The following SLIT2 variants were observed in gnomAD, a reference collection of about 807,000 sequenced individuals.
SLIT2 encodes the protein slit homolog 2 protein.
In SLIT2, 41 loss-of-function variants were observed where a neutral mutation model predicts 185.7. That is an observed-to-expected ratio of 0.22 (90% CI 0.17 to 0.29). The LOEUF (loss-of-function observed/expected upper bound fraction) is 0.29, where lower values mean the gene tolerates loss of function less well. Ranked by LOEUF, SLIT2 falls within the 10% of genes least tolerant of loss-of-function variation. The pLI, the probability that SLIT2 is intolerant of heterozygous loss-of-function variation, is 1.00. For synonymous variants in SLIT2, 693 were observed against 680.2 expected (o/e 1.02, Z -0.29); for missense variants, 1,571 against 1,909.0 (o/e 0.82, Z 3.30).
At chr4:20,564,169 A>T (rs1360157869) in intron 26 of SLIT2, among the ~76,000 whole-genome samples, 7 of 151,808 alleles carry the variant, frequency 4.6e-5, no homozygotes, top group Non-Finnish European at 8.8e-5. Context: ...TCCTTGATTA[A>T]GAAGATTTCA....
At chr4:20,379,139 C>T (rs1463345916) in intron 4 of SLIT2, among the ~76,000 whole-genome samples, 1 of 151,972 alleles carries the variant, frequency 6.6e-6, no homozygotes, top group Non-Finnish European at 1.5e-5. Flanking sequence ...AAAAGTGATT[C>T]CTAATGTAAA....
At chr4:20,324,486 A>G (rs1304329273) in intron 4 of SLIT2, among the ~76,000 whole-genome samples, 2 of 152,190 alleles carry the variant, frequency 1.3e-5, no homozygotes, top group African/African-American at 4.8e-5. Flanking sequence ...ATGTAACCAA[A>G]GGGCAGAAAC....
chr4:20,598,528 G>GA lies in SLIT2; in HGVS notation c.3692+138dup. Reference sequence around the variant, plus strand: ...CAGGTTTTAGGATGAGGGTATTAGTGAAAAACCTGGCAGGAACAGAGGGCA... The same window carrying GA: ...CAGGTTTTAGGATGAGGGTATTAGTGAAAAAACCTGGCAGGAACAGAGGGCA... On this transcript the variant is annotated intron_variant, in intron 33 of 36. Coordinates refer to ENST00000504154, the MANE Select transcript of SLIT2 (RefSeq NM_004787.4). 3 of 948,128 alleles carry GA rather than the reference G, an allele frequency of 3.2e-6. No individual in the cohort carries two copies. In the East Asian group the frequency reaches 7.3e-5, roughly 23 times the overall value. The allele number at this position is 948,128 out of a possible 1,614,324, so 58.7% of individuals were successfully genotyped here.
At chr4:20,613,009 G>A (rs1378472552) in intron 34 of SLIT2, among the ~76,000 whole-genome samples, 1 of 151,824 alleles carries the variant, frequency 6.6e-6, no homozygotes, top group African/African-American at 2.4e-5. Context: ...AATAACAGCT[G>A]CTGGCAAGGT....
At position 20,252,564 on chromosome 4, in the gene SLIT2, C is replaced by A. The variant is rs184281428; in HGVS notation, c.-1252C>A. On this transcript the variant is annotated 5_prime_UTR_variant, in exon 1 of 37. Transcript: ENST00000504154. ...GTTGCTGCACTTTGAGAAGGACGAA[C>A]CACTAGTGGGAGACCGCCGGGGGCC... is the stretch of plus-strand genomic sequence containing the variant. Among the ~76,000 whole-genome samples, 481 of 152,036 alleles carry A rather than the reference C, an allele frequency of 3.2e-3. 3 individuals are homozygous for A. The highest frequency in any genetic ancestry group is 0.011 in the African/African-American group (458 of 41,484).
At position 20,252,056 on chromosome 4, in the gene SLIT2, C is replaced by G. The variant is rs923196985; in HGVS notation, c.-1760C>G. On this transcript the variant is annotated 5_prime_UTR_variant, in exon 1 of 37. Transcript: ENST00000504154. ...GCTGCGAGGCATGGGAGCGCCGAAG[C>G]GCCCAGGCGCAGGCCGAAGCTGCCG... is the stretch of plus-strand genomic sequence containing the variant. Among the ~76,000 whole-genome samples, 2 of 152,114 alleles carry G rather than the reference C, an allele frequency of 1.3e-5. No individual in the cohort carries two copies. The highest frequency in any genetic ancestry group is 4.8e-5 in the African/African-American group (2 of 41,450).
intron 9 of SLIT2, among the ~76,000 whole-genome samples, chr4:20,504,879 A>G (rs2148817812): frequency 6.6e-6 from 1 of 152,158 alleles, no homozygotes; most frequent in South Asian, 2.1e-4. Flanking sequence ...TTATTATAGT[A>G]TATTGTAATA....
intron 6 of SLIT2, among the ~76,000 whole-genome samples, chr4:20,482,602 C>A (rs1451488730): frequency 6.6e-6 from 1 of 151,760 alleles, no homozygotes; most frequent in Non-Finnish European, 1.5e-5. Context: ...GGCAACACAC[C>A]AAAGGGTGAC....
intron 4 of SLIT2, among the ~76,000 whole-genome samples, chr4:20,382,719 T>C (rs1213127382): frequency 6.6e-6 from 1 of 152,182 alleles, no homozygotes; most frequent in African/African-American, 2.4e-5. Flanking sequence ...GTATCAGTTC[T>C]GTACCAAGTG....
intron 9 of SLIT2, among the ~76,000 whole-genome samples, chr4:20,496,508 T>C (rs1369054553): frequency 6.6e-6 from 1 of 152,214 alleles, no homozygotes; most frequent in Admixed American, 6.5e-5. Flanking sequence ...AGATAAAGGC[T>C]GGTGGTTTTC....
At chr4:20,507,492 T>C (rs191188490) in intron 9 of SLIT2, among the ~76,000 whole-genome samples, 1 of 152,084 alleles carries the variant, frequency 6.6e-6, no homozygotes, top group East Asian at 1.9e-4. Flanking sequence ...ATATAGCATT[T>C]AAAAATACTT....
chr4:20,542,311 A>G (rs561340205), intron 20 of SLIT2, among the ~76,000 whole-genome samples, 183 bp from the exon 21 acceptor site: 22 of 152,330 alleles, frequency 1.4e-4, no homozygotes, highest in Middle Eastern at 6.8e-3. Context: ...TTCCCTAGGC[A>G]GTCTGAAAAC....
chr4:20,420,913 G>A (rs1208474763), intron 4 of SLIT2, among the ~76,000 whole-genome samples: 3 of 152,138 alleles, frequency 2.0e-5, no homozygotes, highest in Non-Finnish European at 4.4e-5. Context: ...GCCCTTGCCA[G>A]AAACAGATCA....
At chr4:20,536,784 A>C (rs1289081059) in intron 18 of SLIT2, among the ~76,000 whole-genome samples, 1 of 151,868 alleles carries the variant, frequency 6.6e-6, no homozygotes, top group Non-Finnish European at 1.5e-5. Flanking sequence ...TTATATTTAT[A>C]TAAGAATTTT....
intron 26 of SLIT2, among the ~76,000 whole-genome samples, chr4:20,562,415 A>C (rs1724767886): frequency 6.6e-6 from 1 of 151,702 alleles, no homozygotes; most frequent in African/African-American, 2.4e-5. Flanking sequence ...TTTCTTAAGA[A>C]CTTCACATTC....
rs1316234471 is a variant in SLIT2, at chr4:20,466,205, A to T, written c.396-1547A>T. Among the ~76,000 whole-genome samples, 4 of 152,092 alleles carry T rather than the reference A, an allele frequency of 2.6e-5. No individual in the cohort carries two copies. The South Asian group carries it at 8.3e-4, about 32-fold the overall frequency. ...TCTCTGAACACTGTTTCTGTCATCG[A>T]GGCTTTTAAATATATATTGTTAAAT... is the stretch of plus-strand genomic sequence containing the variant. On this transcript the variant is annotated intron_variant, in intron 4 of 36. Coordinates refer to ENST00000504154, the MANE Select transcript of SLIT2 (RefSeq NM_004787.4).
intron 9 of SLIT2, among the ~76,000 whole-genome samples, chr4:20,495,619 T>A (rs1266146898): frequency 6.6e-6 from 1 of 152,212 alleles, no homozygotes; most frequent in African/African-American, 2.4e-5. Context: ...CTAAATAATA[T>A]GTCCCGTGGA....
intron 4 of SLIT2, among the ~76,000 whole-genome samples, chr4:20,351,703 G>A (rs978489699): frequency 6.6e-6 from 1 of 152,162 alleles, no homozygotes; most frequent in African/African-American, 2.4e-5. Context: ...GGGCAGCTCT[G>A]AAGTGGGACA....
At chr4:20,291,629 CTA>C (rs1715956640) in intron 4 of SLIT2, among the ~76,000 whole-genome samples, 2 of 148,444 alleles carry the variant, frequency 1.3e-5, no homozygotes, top group Admixed American at 1.4e-4. Context: ...TGAAATGTCT[CTA>C]TTTTAAAAAA....
Sources: allele counts gnomAD v4.1 joint callset (sites outside exome capture counted in the v4.1 genomes callset), GRCh38; gene constraint gnomAD v4.1.1; transcripts MANE v1.5; gene names NCBI Gene and HGNC (gene_info 2026-07-23, HGNC 2026-07-21).